The following ZCWPW2 variants were observed in gnomAD, a reference collection of about 807,000 sequenced individuals.
ZCWPW2 encodes zinc finger CW-type and PWWP domain containing 2.
A neutral mutation model predicts 46.6 loss-of-function variants in ZCWPW2; 45 were observed. That is an observed-to-expected ratio of 0.96 (90% confidence interval 0.76 to 1.24). The LOEUF (loss-of-function observed/expected upper bound fraction) is 1.24. Among genes scored for constraint, ZCWPW2 ranks in the 50% most tolerant of loss-of-function variants. ZCWPW2 has a pLI of 0.00. For missense variants in ZCWPW2, 429 were observed against 403.9 expected (o/e 1.06, Z -0.53); for synonymous variants, 152 against 137.1 (o/e 1.11, Z -0.76).
chr3:28,485,904 T>G (rs1424394509), intron 5 of ZCWPW2, among the ~76,000 whole-genome samples: 1 of 152,090 alleles, frequency 6.6e-6, no homozygotes, highest in Non-Finnish European at 1.5e-5. Context: ...GATTTTTAGA[T>G]TTTATATAAT....
At chr3:28,355,642 C>A (rs936436595) in intron 1 of ZCWPW2, among the ~76,000 whole-genome samples, 2 of 152,168 alleles carry the variant, frequency 1.3e-5, no homozygotes, top group East Asian at 3.9e-4. Flanking sequence ...GTACTGGTAC[C>A]AAAACAGAGA....
intron 1 of ZCWPW2, among the ~76,000 whole-genome samples, chr3:28,384,724 C>T (rs766771920): frequency 1.4e-4 from 21 of 151,672 alleles, no homozygotes; most frequent in Admixed American, 1.3e-4. Context: ...GCAATTCTTC[C>T]GCCTCAGCCT....
intron 4 of ZCWPW2, among the ~76,000 whole-genome samples, chr3:28,449,064 C>T (rs1469949051): frequency 6.6e-6 from 1 of 152,040 alleles, no homozygotes; most frequent in Non-Finnish European, 1.5e-5. Flanking sequence ...ATAGAATAGA[C>T]AGCCCAGAAA....
chr3:28,355,937 G>T (rs867031654), intron 1 of ZCWPW2, among the ~76,000 whole-genome samples: 5 of 152,190 alleles, frequency 3.3e-5, no homozygotes, highest in Admixed American at 6.5e-5. Flanking sequence ...ACATAGGCAT[G>T]GGCAAGGACT....
rs1370001660 is a variant in ZCWPW2, at chr3:28,466,927, T to TA, written c.493-11879dup. Among the ~76,000 whole-genome samples, 7 of 152,112 alleles carry TA rather than the reference T, an allele frequency of 4.6e-5. No individual in the cohort carries two copies. The East Asian group carries it at 9.6e-4, about 21-fold the overall frequency. ...AAATTAATTTAAATGCCATCTCAAT[T>TA]AAAAAAAACAATTGAGACTTTTGAC... On this transcript the variant is annotated intron_variant, in intron 4 of 9. Transcript: ENST00000383768.
At chr3:28,483,218 G>A (rs1250661355) in intron 5 of ZCWPW2, among the ~76,000 whole-genome samples, 1 of 152,116 alleles carries the variant, frequency 6.6e-6, no homozygotes, top group African/African-American at 2.4e-5. Context: ...ATGTCCAGTT[G>A]TTCCTGCACC....
At chr3:28,500,432 G>A (rs1700112286) in intron 6 of ZCWPW2, among the ~76,000 whole-genome samples, 1 of 151,906 alleles carries the variant, frequency 6.6e-6, no homozygotes, top group Non-Finnish European at 1.5e-5. Flanking sequence ...AACTGGAAAA[G>A]GATCTGTTTT....
At chr3:28,522,250 A>C (rs1205737772) in intron 9 of ZCWPW2, among the ~76,000 whole-genome samples, 1 of 152,216 alleles carries the variant, frequency 6.6e-6, no homozygotes, top group Admixed American at 6.5e-5. Context: ...GTACCCTAGA[A>C]CTTAAAGTAT....
chr3:28,423,932 G>T (rs60043893), intron 3 of ZCWPW2, among the ~76,000 whole-genome samples: 34,247 of 151,704 alleles, frequency 0.23, 4,442 homozygotes, highest in Non-Finnish European at 0.29. Context: ...CTATTTTGGT[G>T]TTCATGTGGG....
intron 1 of ZCWPW2, among the ~76,000 whole-genome samples, chr3:28,380,902 T>C (rs1695024801): frequency 7.3e-6 from 1 of 136,096 alleles, no homozygotes; most frequent in Non-Finnish European, 1.6e-5. Flanking sequence ...TATATATACT[T>C]TGTTGAACTT....
intron 5 of ZCWPW2, among the ~76,000 whole-genome samples, chr3:28,487,568 A>G (rs1559525736): frequency 6.6e-6 from 1 of 152,160 alleles, no homozygotes; most frequent in Non-Finnish European, 1.5e-5. Flanking sequence ...TTTTAAATTC[A>G]TGAGCTGATA....
rs1468657426 is a variant in ZCWPW2, at chr3:28,417,116, A to G, written c.332+3716A>G. On this transcript the variant is annotated intron_variant, in intron 3 of 9. Coordinates refer to ENST00000383768, the MANE Select transcript of ZCWPW2 (RefSeq NM_001040432.4). ...TTGATAGACCGCTAGGAAGACTAAT[A>G]AAGAAGAAAAGACAAAGGGGATATC... Among the ~76,000 whole-genome samples, 6 of 150,904 alleles carry G rather than the reference A, an allele frequency of 4.0e-5. No homozygotes were observed. In the East Asian group the frequency reaches 1.2e-3, roughly 29 times the overall value.
At chr3:28,473,124 G>T (rs879672179) in intron 4 of ZCWPW2, among the ~76,000 whole-genome samples, 1 of 152,164 alleles carries the variant, frequency 6.6e-6, no homozygotes, top group Non-Finnish European at 1.5e-5. Context: ...CTTGTACAGC[G>T]TTGGTGGGAA....
At chr3:28,378,325 A>G (rs961271219) in intron 1 of ZCWPW2, among the ~76,000 whole-genome samples, 1 of 152,086 alleles carries the variant, frequency 6.6e-6, no homozygotes, top group Admixed American at 6.5e-5. Flanking sequence ...GAAAAAAATC[A>G]TGAAAGACAA....
At chr3:28,485,044 A>G in intron 5 of ZCWPW2, among the ~76,000 whole-genome samples, 1 of 151,360 alleles carries the variant, frequency 6.6e-6, no homozygotes, top group Non-Finnish European at 1.5e-5. Context: ...AATGCTATAA[A>G]TTTTCCTCTG....
At chr3:28,476,225 C>A (rs544549956) in intron 4 of ZCWPW2, among the ~76,000 whole-genome samples, 1 of 151,752 alleles carries the variant, frequency 6.6e-6, no homozygotes, top group South Asian at 2.1e-4. Flanking sequence ...GGAAAGAAGG[C>A]ACATTCTATA....
At chr3:28,381,461 G>A (rs1695102759) in intron 1 of ZCWPW2, among the ~76,000 whole-genome samples, 1 of 152,078 alleles carries the variant, frequency 6.6e-6, no homozygotes, top group South Asian at 2.1e-4. Context: ...ATGTTGAGTA[G>A]GCTGAGGGTT....
chr3:28,435,370 T>G lies in ZCWPW2; in HGVS notation c.492+101T>G, dbSNP rs576659924. 3 of 1,110,602 alleles carry G rather than the reference T, an allele frequency of 2.7e-6. No individual in the cohort carries two copies. In the African/African-American group the frequency reaches 4.8e-5, roughly 18 times the overall value. 68.8% of individuals were successfully genotyped at this position (1,110,602 alleles called of 1,614,324 possible). On this transcript the variant is annotated intron_variant, in intron 4 of 9. Transcript: ENST00000383768. ...AAATATGTATAAGTTGCTTTTAGAT[T>G]GATATAATGTATGCTGTTTATTTAA...
intron 1 of ZCWPW2, among the ~76,000 whole-genome samples, chr3:28,370,187 C>T (rs976220161): frequency 1.6e-4 from 25 of 152,162 alleles, no homozygotes; most frequent in African/African-American, 2.4e-5. Flanking sequence ...CTGACACTCC[C>T]CAGTGAGATG....
Sources: gnomAD v4.1 joint callset for allele counts (sites outside exome capture counted in the v4.1 genomes callset) on GRCh38, gnomAD v4.1.1 for gene constraint, MANE v1.5 for transcripts, NCBI Gene and HGNC (gene_info 2026-07-23, HGNC 2026-07-21) for gene names.